ABCA13: variants seen among roughly 807,000 people sequenced by gnomAD.
The protein encoded by ABCA13 is ATP binding cassette subfamily A member 13.
ABCA13 carries 476 observed loss-of-function variants against 478.7 expected under a neutral mutation model. That is an observed-to-expected ratio of 0.99 (90% CI 0.92 to 1.07). ABCA13 has a LOEUF of 1.07. Ranked by LOEUF, ABCA13 falls within the 50% of genes least tolerant of loss-of-function variation. The pLI is 0.00. For missense variants in ABCA13, 6,060 were observed against 5,910.6 expected (o/e 1.03, Z -0.83); for synonymous variants, 2,252 against 2,158.9 (o/e 1.04, Z -1.20).
At chr7:48,199,738 T>G (rs1479563612) in intron 3 of ABCA13, among the ~76,000 whole-genome samples, 2 of 152,228 alleles carry the variant, frequency 1.3e-5, no homozygotes, top group Admixed American at 1.3e-4. Context: ...AAACTCTGTC[T>G]TTCTTGGAAG....
intron 55 of ABCA13, among the ~76,000 whole-genome samples, chr7:48,539,248 C>T (rs1248073981): frequency 6.7e-6 from 1 of 148,462 alleles, no homozygotes; most frequent in Non-Finnish European, 1.5e-5. Context: ...ATCTCATAAC[C>T]TTGTGTAAAA....
chr7:48,182,798 A>T (rs1795864050), intron 1 of ABCA13, among the ~76,000 whole-genome samples: 1 of 152,190 alleles, frequency 6.6e-6, no homozygotes, highest in Non-Finnish European at 1.5e-5. Flanking sequence ...CTCGACTCCT[A>T]ACTGTAAAGG....
At chr7:48,196,886 C>A (rs181119035) in intron 2 of ABCA13, among the ~76,000 whole-genome samples, 2 of 152,278 alleles carry the variant, frequency 1.3e-5, no homozygotes, top group African/African-American at 4.8e-5. Context: ...TGGCCCCGTT[C>A]TTGTGCTGTG....
intron 1 of ABCA13, among the ~76,000 whole-genome samples, chr7:48,184,807 A>C (rs1796151843): frequency 1.3e-5 from 2 of 152,176 alleles, no homozygotes; most frequent in Non-Finnish European, 2.9e-5. Context: ...GTGACAGAGC[A>C]AGACTATCTC....
chr7:48,523,548 T>A lies in ABCA13; in HGVS notation c.14052-700T>A, dbSNP rs147664036. ...GGTTATGATACTAACTCAGTCGTTA[T>A]CATTAAAATATAATCATTAAATATA... On this transcript the variant is annotated intron_variant, in intron 53 of 61. Coordinates refer to ENST00000435803, the MANE Select transcript of ABCA13 (RefSeq NM_152701.5). Among the ~76,000 whole-genome samples, 99 of 151,984 alleles carry A rather than the reference T, an allele frequency of 6.5e-4. 1 individual carries two copies. The highest frequency in any genetic ancestry group is 1.2e-3 in the Non-Finnish European group (80 of 67,950).
At position 48,240,759 on chromosome 7, in the gene ABCA13, A is replaced by G. The variant is rs913496522; in HGVS notation, c.1063-108A>G. The G allele has an allele frequency of 9.3e-6, 8 of 864,722 alleles. No individual in the cohort carries two copies. In the South Asian group the frequency reaches 2.1e-4, roughly 23 times the overall value. 53.6% of individuals were successfully genotyped at this position (864,722 alleles called of 1,614,324 possible). A position where few individuals can be genotyped will look rare whatever the true frequency, so the allele number is the denominator to read the frequency against. On this transcript the variant is annotated intron_variant, in intron 9 of 61. Transcript: ENST00000435803. ...GACATTTTAATTTACCAAAAAATAA[A>G]GATTGGCTGTCTGTCATCTAGAGTG...
chr7:48,616,043 G>A (rs1429188951), intron 59 of ABCA13, among the ~76,000 whole-genome samples: 2 of 149,580 alleles, frequency 1.3e-5, no homozygotes, highest in East Asian at 2.0e-4. Context: ...CTAAATACAC[G>A]TCCAATTTTC....
chr7:48,546,245 C>A (rs1002220509), intron 55 of ABCA13, among the ~76,000 whole-genome samples: 1 of 151,702 alleles, frequency 6.6e-6, no homozygotes, highest in African/African-American at 2.4e-5. Context: ...CAGCCACTAG[C>A]AACATTTCAA....
At chr7:48,224,980 A>T (rs918633087) in intron 5 of ABCA13, among the ~76,000 whole-genome samples, 10 of 151,790 alleles carry the variant, frequency 6.6e-5, no homozygotes, top group African/African-American at 2.4e-4. Flanking sequence ...TTCCTTCTTT[A>T]TTATTATTAT....
chr7:48,175,311 A>G (rs952826216), intron 1 of ABCA13, among the ~76,000 whole-genome samples: 2 of 152,224 alleles, frequency 1.3e-5, no homozygotes, highest in Admixed American at 6.5e-5. Flanking sequence ...CAAATAATGT[A>G]TGGTGATCAG....
intron 27 of ABCA13, among the ~76,000 whole-genome samples, chr7:48,319,663 G>A (rs1375503881): frequency 6.6e-6 from 1 of 152,178 alleles, no homozygotes; most frequent in East Asian, 1.9e-4. Flanking sequence ...ATTTCATTTG[G>A]TTTAACTTGT....
intron 39 of ABCA13, among the ~76,000 whole-genome samples, chr7:48,408,758 T>C (rs1818603681): frequency 6.6e-6 from 1 of 152,176 alleles, no homozygotes; most frequent in African/African-American, 2.4e-5. Flanking sequence ...AACTTGTTTC[T>C]TAGGGGTTTG....
intron 29 of ABCA13, among the ~76,000 whole-genome samples, chr7:48,342,557 G>T (rs1490990103): frequency 1.3e-5 from 2 of 151,824 alleles, no homozygotes. Flanking sequence ...ACTTAGTTAT[G>T]GTTTCTTATG....
intron 1 of ABCA13, among the ~76,000 whole-genome samples, chr7:48,177,309 T>A (rs1032079146): frequency 6.6e-6 from 1 of 152,200 alleles, no homozygotes; most frequent in African/African-American, 2.4e-5. Context: ...ATCTCTCTCA[T>A]AGTCAGGTTG....
chr7:48,370,549 C>T (rs1231992533), intron 32 of ABCA13, among the ~76,000 whole-genome samples: 1 of 151,852 alleles, frequency 6.6e-6, no homozygotes, highest in Admixed American at 6.6e-5. Flanking sequence ...CGGCTCAGAC[C>T]ATAGTGAAAT....
chr7:48,259,227 G>A (rs926461278), intron 15 of ABCA13, among the ~76,000 whole-genome samples: 7 of 151,970 alleles, frequency 4.6e-5, no homozygotes, highest in African/African-American at 1.7e-4. Context: ...ATTATTGTGT[G>A]GTTGTGTAAG....
At chr7:48,512,404 G>A (rs917730005) in intron 51 of ABCA13, among the ~76,000 whole-genome samples, 1 of 152,104 alleles carries the variant, frequency 6.6e-6, no homozygotes, top group African/African-American at 2.4e-5. Context: ...TTTAGAAGAT[G>A]TAATATCCTG....
chr7:48,255,668 C>T (rs2128709531), intron 15 of ABCA13, among the ~76,000 whole-genome samples: 1 of 152,278 alleles, frequency 6.6e-6, no homozygotes, highest in Non-Finnish European at 1.5e-5. Flanking sequence ...TGTAGTGTTT[C>T]ATGGGAGTAT....
rs780836246 is a variant in ABCA13, at chr7:48,279,388, G to A, written c.8194G>A (p.Gly2732Arg). The A allele has an allele frequency of 6.3e-7, 1 of 1,597,566 alleles. No homozygotes were observed. The highest frequency in any genetic ancestry group is 8.5e-7 in the Non-Finnish European group (1 of 1,170,468). ...KILSQNSTEI[G>R]SFLKMVICLT... Reference sequence around the variant, plus strand: ...ATTATCACAAAACAGCACAGAAATAGGATCTTTCTTGAAAATGGTGATCTG... The same window carrying A: ...ATTATCACAAAACAGCACAGAAATAAGATCTTTCTTGAAAATGGTGATCTG... Residue 2732 changes from glycine to arginine, a missense_variant, in exon 18 of 62, where the codon GGA (glycine) becomes AGA (arginine). Transcript: ENST00000435803.
Sources: allele counts gnomAD v4.1 joint callset (sites outside exome capture counted in the v4.1 genomes callset), GRCh38; gene constraint gnomAD v4.1.1; transcripts MANE v1.5; gene names NCBI Gene and HGNC (gene_info 2026-07-23, HGNC 2026-07-21).